SGCZ: variants seen among roughly 807,000 people sequenced by gnomAD.
The protein encoded by SGCZ is zeta-sarcoglycan.
Under a neutral mutation model 41.3 loss-of-function variants are expected in SGCZ, and 40 were observed. That is an observed-to-expected ratio of 0.97 (90% CI 0.75 to 1.26). The LOEUF (loss-of-function observed/expected upper bound fraction) is 1.26. SGCZ is among the 50% of genes most tolerant of loss of function. The pLI, the probability that SGCZ is intolerant of heterozygous loss-of-function variation, is 0.00. For synonymous variants in SGCZ, 206 were observed against 137.5 expected, an observed-to-expected ratio of 1.50 and a Z score of -3.49; for missense variants, 552 against 369.8, an observed-to-expected ratio of 1.49 and a Z score of -4.04.
intron 1 of SGCZ, among the ~76,000 whole-genome samples, chr8:14,994,365 C>G (rs1330460719): frequency 6.6e-6 from 1 of 152,100 alleles, no homozygotes; most frequent in East Asian, 1.9e-4. Flanking sequence ...GGGCAGATTG[C>G]CTGAGCTCAG....
intron 1 of SGCZ, among the ~76,000 whole-genome samples, chr8:14,591,460 G>T (rs1341847571): frequency 6.6e-6 from 1 of 151,736 alleles, no homozygotes; most frequent in East Asian, 1.9e-4. Context: ...TAATTGAAAA[G>T]GTACAAAAAA....
intron 1 of SGCZ, among the ~76,000 whole-genome samples, chr8:14,703,970 A>G (rs557257952): frequency 2.0e-5 from 3 of 152,134 alleles, no homozygotes; most frequent in African/African-American, 7.2e-5. Flanking sequence ...AGTGAACTGA[A>G]TTGATGCTTT....
chr8:14,573,763 AAGT>A (rs1335255142), intron 1 of SGCZ, among the ~76,000 whole-genome samples: 3 of 152,182 alleles, frequency 2.0e-5, no homozygotes, highest in African/African-American at 7.2e-5. Flanking sequence ...CGAATAGTAT[AAGT>A]AGTATGTGAA....
rs536970580 is a variant in SGCZ, at chr8:14,530,814, C to A, written c.234+23918G>T. Among the ~76,000 whole-genome samples the A allele has an allele frequency of 8.5e-5, 13 of 152,190 alleles. No homozygotes were observed. In the South Asian group the frequency reaches 2.7e-3, roughly 32 times the overall value. ...CATGAGCCAAATAGTGACACCACAT[C>A]TCTTTTAAAAAAGAATGATTTTTAA... On this transcript the variant is annotated intron_variant, in intron 2 of 7. Transcript: ENST00000382080.
rs192665693 is a variant in SGCZ at position 14,951,482 on chromosome 8, G to A, written c.39+286103C>T. 5.6e-3 allele frequency among the ~76,000 whole-genome samples: 857 copies of A among 151,996 alleles called. 8 individuals are homozygous for A. The highest frequency in any genetic ancestry group is 5.3e-3 in the Non-Finnish European group (359 of 67,892). On this transcript the variant is annotated intron_variant, in intron 1 of 7. Transcript: ENST00000382080. ...TTAAATACTTCTGTGGGATTATATG[G>A]TGAGATAATAAATGTATTCACCACA...
intron 1 of SGCZ, among the ~76,000 whole-genome samples, chr8:14,766,441 A>T (rs533525119): frequency 2.3e-4 from 35 of 152,298 alleles, no homozygotes; most frequent in African/African-American, 7.0e-4. Flanking sequence ...AGATAGGATT[A>T]TATCTTCAAG....
At chr8:14,308,428 G>C (rs1427031706) in intron 3 of SGCZ, among the ~76,000 whole-genome samples, 1 of 152,032 alleles carries the variant, frequency 6.6e-6, no homozygotes, top group East Asian at 1.9e-4. Context: ...AGTCTACTGA[G>C]TGTACGACAA....
Position 14,834,388 on chromosome 8 carries a change from A to G in SGCZ, c.40-279462T>C, listed in dbSNP as rs1399177610. On this transcript the variant is annotated intron_variant, in intron 1 of 7. Transcript: ENST00000382080. ...CTCAAGATGGGCTAAACACTACAGT[A>G]TTACCAAATCAATTTTTAAGCCAAA... Among the ~76,000 whole-genome samples the G allele has an allele frequency of 3.3e-5, 5 of 152,180 alleles. No homozygotes were observed. In the East Asian group the frequency reaches 7.7e-4, roughly 23 times the overall value.
At chr8:14,284,078 G>C (rs1021143046) in intron 3 of SGCZ, among the ~76,000 whole-genome samples, 2 of 152,144 alleles carry the variant, frequency 1.3e-5, no homozygotes, top group African/African-American at 4.8e-5. Flanking sequence ...CTTATTTCTA[G>C]TGATATTATT....
intron 1 of SGCZ, among the ~76,000 whole-genome samples, chr8:15,109,788 G>A (rs1314707763): frequency 6.6e-6 from 1 of 152,044 alleles, no homozygotes; most frequent in South Asian, 2.1e-4. Context: ...TATTATTGTT[G>A]CTGTTAAAAT....
intron 1 of SGCZ, among the ~76,000 whole-genome samples, chr8:15,132,060 A>G (rs963293032): frequency 6.6e-6 from 1 of 152,230 alleles, no homozygotes; most frequent in Admixed American, 6.5e-5. Flanking sequence ...TGGTGGAAGT[A>G]CATAAAAGCC....
intron 1 of SGCZ, among the ~76,000 whole-genome samples, chr8:14,998,287 C>T (rs1339437211): frequency 6.6e-6 from 1 of 152,142 alleles, no homozygotes; most frequent in Non-Finnish European, 1.5e-5. Flanking sequence ...TTGAACCCAG[C>T]CTAAGGCATC....
intron 1 of SGCZ, among the ~76,000 whole-genome samples, chr8:14,930,078 C>T (rs1799882980): frequency 6.6e-6 from 1 of 151,902 alleles, no homozygotes; most frequent in South Asian, 2.1e-4. Context: ...CTTTATTAAA[C>T]TGGGAATGAC....
chr8:15,131,905 A>G (rs1200001892), intron 1 of SGCZ, among the ~76,000 whole-genome samples: 1 of 152,210 alleles, frequency 6.6e-6, no homozygotes, highest in Non-Finnish European at 1.5e-5. Context: ...CTATTTCATG[A>G]TAAGACATCA....
At chr8:14,309,823 C>T (rs1563249478) in intron 3 of SGCZ, among the ~76,000 whole-genome samples, 1 of 152,030 alleles carries the variant, frequency 6.6e-6, no homozygotes, top group Non-Finnish European at 1.5e-5. Flanking sequence ...AAGTCTCATT[C>T]GCCTTTGTCT....
intron 1 of SGCZ, among the ~76,000 whole-genome samples, chr8:15,176,452 A>G (rs964870011): frequency 1.3e-5 from 2 of 152,184 alleles, no homozygotes; most frequent in Admixed American, 1.3e-4. Context: ...AAGACTTTCT[A>G]TGTTTAGAAA....
chr8:15,136,398 G>A (rs1381493577), intron 1 of SGCZ, among the ~76,000 whole-genome samples: 1 of 151,900 alleles, frequency 6.6e-6, no homozygotes, highest in African/African-American at 2.4e-5. Flanking sequence ...TACTTGATAA[G>A]AGGCATGAGC....
intron 1 of SGCZ, among the ~76,000 whole-genome samples, chr8:14,620,144 A>G (rs1033551168): frequency 6.6e-6 from 1 of 152,124 alleles, no homozygotes. Flanking sequence ...ACACATCTAC[A>G]ACCATCTGAT....
intron 1 of SGCZ, among the ~76,000 whole-genome samples, chr8:14,569,117 C>A (rs1238352987): frequency 6.6e-6 from 1 of 152,118 alleles, no homozygotes; most frequent in South Asian, 2.1e-4. Context: ...ACCCCCATGT[C>A]TGAATCAATA....
Sources: allele counts gnomAD v4.1 joint callset (sites outside exome capture counted in the v4.1 genomes callset), GRCh38; gene constraint gnomAD v4.1.1; transcripts MANE v1.5; gene names NCBI Gene and HGNC (gene_info 2026-07-23, HGNC 2026-07-21).